The following ACCSL variants were observed in gnomAD, a reference collection of about 807,000 sequenced individuals.
ACCSL encodes the protein probable inactive 1-aminocyclopropane-1-carboxylate synthase-like protein 2.
ACCSL carries 55 observed loss-of-function variants against 61.7 expected under a neutral mutation model. That is an observed-to-expected ratio of 0.89 (90% CI 0.72 to 1.12). The LOEUF (loss-of-function observed/expected upper bound fraction) is 1.12, where lower values mean the gene tolerates loss of function less well. Ranked by LOEUF, ACCSL falls within the 50% of genes most tolerant of loss-of-function variation. The pLI is 0.00. For missense variants in ACCSL, 632 were observed against 698.0 expected, an observed-to-expected ratio of 0.91 and a Z score of 1.07; for synonymous variants, 258 against 264.3, an observed-to-expected ratio of 0.98 and a Z score of 0.23.
chr11:44,046,686 G>A (rs534959041), upstream of ACCSL, among the ~76,000 whole-genome samples: 2 of 151,826 alleles, frequency 1.3e-5, no homozygotes, highest in South Asian at 4.2e-4. Flanking sequence ...TGTGTAGGGG[G>A]ATGTTACTTA....
At chr11:44,047,248 C>A (rs991725451), upstream of ACCSL, among the ~76,000 whole-genome samples, 2 of 151,948 alleles carry the variant, frequency 1.3e-5, no homozygotes, top group African/African-American at 4.8e-5. Context: ...AGGCAGCTGT[C>A]ACAGTGAGTA....
chr11:43,927,175 C>T, the ACCSL span, among the ~76,000 whole-genome samples: 1 of 152,166 alleles, frequency 6.6e-6, no homozygotes, highest in East Asian at 1.9e-4. Context: ...TGGTGCCTGC[C>T]ATTAATTCTT....
At chr11:43,925,622 G>A in the ACCSL span, 1 of 366,790 alleles carries the variant, frequency 2.7e-6, no homozygotes, top group Non-Finnish European at 5.6e-6. Flanking sequence ...GCCTGCAAGG[G>A]TAGAACTGGG....
the ACCSL span, among the ~76,000 whole-genome samples, chr11:43,998,125 G>A: frequency 6.6e-6 from 1 of 152,230 alleles, no homozygotes; most frequent in Admixed American, 6.5e-5. Context: ...TAAAGGGGGT[G>A]ACAATAGACT....
the ACCSL span, among the ~76,000 whole-genome samples, chr11:43,951,522 C>T: frequency 0.029 from 4,487 of 152,212 alleles, 211 homozygotes; most frequent in East Asian, 0.25. Context: ...TGGAACTGTC[C>T]GGAAGCACAA....
the ACCSL span, among the ~76,000 whole-genome samples, chr11:44,028,401 G>A: frequency 2.0e-5 from 3 of 152,124 alleles, no homozygotes; most frequent in African/African-American, 7.2e-5. Flanking sequence ...TACTATCTGT[G>A]CTGTGCTGTA....
At chr11:43,979,373 A>G in the ACCSL span, among the ~76,000 whole-genome samples, 2 of 152,148 alleles carry the variant, frequency 1.3e-5, no homozygotes, top group African/African-American at 4.8e-5. Context: ...AAATGAATTT[A>G]CATCAAAGCT....
intron 1 of ACCSL, 28 bp downstream of exon 1, chr11:44,048,568 G>GCCCCCCCC: frequency 1.7e-6 from 1 of 577,272 alleles, no homozygotes; most frequent in Non-Finnish European, 3.1e-6. Flanking sequence ...GGGGTGGGCA[G>GCCCCCCCC]CATCCTCACG....
At chr11:43,932,739 T>C in the ACCSL span, among the ~76,000 whole-genome samples, 13 of 152,284 alleles carry the variant, frequency 8.5e-5, no homozygotes, top group African/African-American at 2.9e-4. Flanking sequence ...ACCACAGTAG[T>C]AAATTGTTGA....
At chr11:44,027,439 A>C in the ACCSL span, among the ~76,000 whole-genome samples, 1 of 152,216 alleles carries the variant, frequency 6.6e-6, no homozygotes, top group Admixed American at 6.5e-5. Context: ...TCTTATATGT[A>C]AAGTAAATGT....
chr11:44,009,809 A>G, the ACCSL span, among the ~76,000 whole-genome samples: 1 of 152,082 alleles, frequency 6.6e-6, no homozygotes, highest in African/African-American at 2.4e-5. Context: ...ATGAGAACCA[A>G]TTGTGCATCT....
intron 3 of ACCSL, 57 bp from the exon 4 acceptor site, chr11:44,051,278 A>C (rs1433909158): frequency 3.8e-6 from 6 of 1,567,782 alleles, no homozygotes; most frequent in Non-Finnish European, 5.3e-6. Context: ...GACCATCTAG[A>C]CCATGAGTGA....
the ACCSL span, among the ~76,000 whole-genome samples, chr11:43,969,442 T>G: frequency 1.3e-5 from 2 of 152,192 alleles, no homozygotes; most frequent in East Asian, 1.9e-4. Context: ...TAACAGAGGT[T>G]ATCTCAAAAA....
At chr11:44,045,632 C>T (rs1440598290), upstream of ACCSL, among the ~76,000 whole-genome samples, 2 of 152,250 alleles carry the variant, frequency 1.3e-5, no homozygotes, top group Non-Finnish European at 2.9e-5. Context: ...TTCCCTGCCG[C>T]ATCCTGGTCC....
At chr11:44,033,378 C>A in the ACCSL span, among the ~76,000 whole-genome samples, 2 of 152,116 alleles carry the variant, frequency 1.3e-5, no homozygotes, top group African/African-American at 4.8e-5. Flanking sequence ...TACCATACCT[C>A]TTGAAGAGAA....
intron 13 of ACCSL, among the ~76,000 whole-genome samples, chr11:44,059,336 A>C (rs984300007): frequency 6.6e-6 from 1 of 152,250 alleles, no homozygotes; most frequent in African/African-American, 2.4e-5. Flanking sequence ...GCAGATGACC[A>C]TGGAAGTCCC....
the ACCSL span, among the ~76,000 whole-genome samples, chr11:44,017,895 G>T: frequency 6.6e-6 from 1 of 152,076 alleles, no homozygotes; most frequent in East Asian, 1.9e-4. Context: ...GGAAGAGAGG[G>T]GTGGAAGTAA....
chr11:43,924,486 T>C, the ACCSL span, among the ~76,000 whole-genome samples: 2 of 152,168 alleles, frequency 1.3e-5, no homozygotes, highest in Non-Finnish European at 2.9e-5. Flanking sequence ...TGTTGTGAGG[T>C]GCTGCTCCCC....
chr11:44,058,222 C>T (rs1952683437), intron 11 of ACCSL, 95 bp from the exon 12 acceptor site: 5 of 1,388,044 alleles, frequency 3.6e-6, no homozygotes, highest in Non-Finnish European at 3.0e-6. Flanking sequence ...AACAAACAAA[C>T]TTGCATGAAG....
Sources: gnomAD v4.1 joint callset for allele counts (sites outside exome capture counted in the v4.1 genomes callset) on GRCh38, gnomAD v4.1.1 for gene constraint, MANE v1.5 for transcripts, NCBI Gene and HGNC (gene_info 2026-07-23, HGNC 2026-07-21) for gene names.